ZNF148: variants seen among roughly 807,000 people sequenced by gnomAD.
The protein encoded by ZNF148 is Beta-Enolase Repressor Factor-1.
In ZNF148, 7 loss-of-function variants were observed where a neutral mutation model predicts 67.7. That is an observed-to-expected ratio of 0.10 (90% CI 0.06 to 0.19). ZNF148 has a LOEUF of 0.19. ZNF148 is among the 10% of genes least tolerant of loss of function. The probability of loss-of-function intolerance (pLI) is 1.00; values close to 1 mark genes in which losing one functional copy is unlikely to be tolerated. For missense variants in ZNF148, 583 were observed against 947.1 expected (o/e 0.62, Z 5.05); for synonymous variants, 333 against 330.7 (o/e 1.01, Z -0.08).
chr3:125,304,580 T>G (rs2107656133), intron 4 of ZNF148, among the ~76,000 whole-genome samples: 1 of 152,280 alleles, frequency 6.6e-6, no homozygotes, highest in Admixed American at 6.5e-5. Context: ...TATGCTGAGA[T>G]AACAAGCCAG....
At chr3:125,278,516 T>G (rs1045184247) in intron 6 of ZNF148, among the ~76,000 whole-genome samples, 4 of 152,154 alleles carry the variant, frequency 2.6e-5, no homozygotes, top group African/African-American at 9.6e-5. Flanking sequence ...TCCTTGCTAT[T>G]TATTCCAAAG....
chr3:125,244,504 T>C (rs989745190), intron 7 of ZNF148, among the ~76,000 whole-genome samples: 24 of 152,018 alleles, frequency 1.6e-4, no homozygotes, highest in African/African-American at 5.8e-4. Context: ...CTTTTTTGTT[T>C]TTTTTTTTCT....
rs544570226 is a variant in ZNF148, at chr3:125,323,789, T to C, written c.-152-345A>G. ...TCCTGGCTAACATGATGAAACCCCGTCTCTACTAAAAATACAAAAAATTAG... is the reference window on the plus strand; with the variant it reads ...TCCTGGCTAACATGATGAAACCCCGCCTCTACTAAAAATACAAAAAATTAG... On this transcript the variant is annotated intron_variant, in intron 2 of 8. Coordinates refer to ENST00000360647, the MANE Select transcript of ZNF148 (RefSeq NM_021964.3). Among the ~76,000 whole-genome samples, 41 of 151,776 alleles carry C rather than the reference T, an allele frequency of 2.7e-4. 1 individual carries two copies. The East Asian group carries it at 3.3e-3, about 12-fold the overall frequency.
intron 2 of ZNF148, among the ~76,000 whole-genome samples, chr3:125,326,229 T>C (rs888564871): frequency 2.0e-5 from 3 of 152,146 alleles, no homozygotes; most frequent in African/African-American, 7.2e-5. Context: ...GGCAAATATG[T>C]GGATTAATTC....
chr3:125,264,033 A>T (rs1054192577), intron 7 of ZNF148, among the ~76,000 whole-genome samples: 1 of 152,242 alleles, frequency 6.6e-6, no homozygotes, highest in Non-Finnish European at 1.5e-5. Context: ...GTTGGTGAAC[A>T]CATCCAAGTG....
Position 125,302,166 on chromosome 3 carries a change from CAGG to C in ZNF148, c.333+11139_333+11141del, listed in dbSNP as rs1939626951. On this transcript the variant is annotated intron_variant, in intron 4 of 8. Transcript: ENST00000360647. ...CCAAGGTGGGAGGATCGCTTGAGCCCAGGAGTTCAAGAGCAGTCTGGACAACAT... is the reference window on the plus strand; with the variant it reads ...CCAAGGTGGGAGGATCGCTTGAGCCCAGTTCAAGAGCAGTCTGGACAACAT... 2.0e-5 allele frequency among the ~76,000 whole-genome samples: 3 copies of C among 151,856 alleles called. No individual in the cohort carries two copies. The South Asian group carries it at 6.2e-4, about 32-fold the overall frequency.
chr3:125,261,794 G>A (rs1937351729), intron 7 of ZNF148, among the ~76,000 whole-genome samples: 1 of 146,638 alleles, frequency 6.8e-6, no homozygotes, highest in South Asian at 2.2e-4. Flanking sequence ...AGAGGGTGGG[G>A]CATTCAAAAT....
At chr3:125,363,673 T>TG (rs1942613751) in intron 1 of ZNF148, among the ~76,000 whole-genome samples, 1 of 152,092 alleles carries the variant, frequency 6.6e-6, no homozygotes, top group Non-Finnish European at 1.5e-5. Context: ...TTTTTTTTTT[T>TG]TGAGACAGGG....
Position 125,319,701 on chromosome 3 carries a change from C to T in ZNF148, c.-17+3608G>A, listed in dbSNP as rs536099475. The stretch of plus-strand genomic sequence containing the variant: ...GGGCACCTTTAAATATATTACCTTA[C>T]TTAATATTTACAATAACCCTCAAGA... On this transcript the variant is annotated intron_variant, in intron 3 of 8. Coordinates refer to ENST00000360647, the MANE Select transcript of ZNF148 (RefSeq NM_021964.3). 3.3e-5 allele frequency among the ~76,000 whole-genome samples: 5 copies of T among 152,310 alleles called. No homozygotes were observed. The East Asian group carries it at 7.7e-4, about 23-fold the overall frequency.
At chr3:125,359,716 C>A (rs961785043) in intron 1 of ZNF148, among the ~76,000 whole-genome samples, 2 of 152,222 alleles carry the variant, frequency 1.3e-5, no homozygotes, top group African/African-American at 4.8e-5. Flanking sequence ...TAAAAGCTGG[C>A]ATGACATACT....
chr3:125,326,755 C>T (rs1036083491), intron 2 of ZNF148, among the ~76,000 whole-genome samples: 1 of 143,676 alleles, frequency 7.0e-6, no homozygotes, highest in African/African-American at 2.6e-5. Context: ...TGTATATATA[C>T]ATATAAAGAT....
At chr3:125,326,337 T>C (rs1941016333) in intron 2 of ZNF148, among the ~76,000 whole-genome samples, 1 of 152,162 alleles carries the variant, frequency 6.6e-6, no homozygotes, top group African/African-American at 2.4e-5. Flanking sequence ...CTACTGGGTT[T>C]ATAATATATA....
At chr3:125,313,261 A>C in intron 4 of ZNF148, 47 bp downstream of exon 4, 1 of 1,510,098 alleles carries the variant, frequency 6.6e-7, no homozygotes, top group African/African-American at 1.4e-5. Context: ...ATTACGTAAC[A>C]AAAAATTATG....
chr3:125,313,268 T>C, intron 4 of ZNF148, 40 bp downstream of exon 4: 1 of 1,524,716 alleles, frequency 6.6e-7, no homozygotes, highest in Non-Finnish European at 8.9e-7. Flanking sequence ...AACAAAAAAT[T>C]ATGTTTCTAA....
At chr3:125,309,585 G>A (rs1306936829) in intron 4 of ZNF148, among the ~76,000 whole-genome samples, 1 of 143,902 alleles carries the variant, frequency 6.9e-6, no homozygotes, top group Non-Finnish European at 1.6e-5. Flanking sequence ...GAAAGGGGCT[G>A]AACTACAGTT....
At position 125,351,380 on chromosome 3, in the gene ZNF148, C is replaced by CAAAAAAAAAAAAAAAAAAAAAAAAA. The variant is rs1158167448; in HGVS notation, c.-233-20167_-233-20143dup. Among the ~76,000 whole-genome samples the CAAAAAAAAAAAAAAAAAAAAAAAAA allele has an allele frequency of 3.9e-5, 2 of 51,352 alleles. 1 individual carries two copies. The highest frequency in any genetic ancestry group is 6.6e-5 in the Non-Finnish European group (2 of 30,452). 33.7% of individuals were successfully genotyped at this position (51,352 alleles called of 152,430 possible). A position where few individuals can be genotyped will look rare whatever the true frequency, so the allele number is the denominator to read the frequency against. On this transcript the variant is annotated intron_variant, in intron 1 of 8. Transcript: ENST00000360647. ...GGCCACAGAGTGAGACCTTGTTTCT[C>CAAAAAAAAAAAAAAAAAAAAAAAAA]AAAAAAAAAAAAAAAAAAAAAAAAA...
intron 7 of ZNF148, among the ~76,000 whole-genome samples, chr3:125,255,374 G>A (rs1212625501): frequency 6.7e-6 from 1 of 149,482 alleles, no homozygotes; most frequent in Non-Finnish European, 1.5e-5. Context: ...AGCCTCCCAA[G>A]TAGCTAGGAT....
chr3:125,346,721 T>C (rs1010592022), intron 1 of ZNF148, among the ~76,000 whole-genome samples: 3 of 152,190 alleles, frequency 2.0e-5, no homozygotes, highest in African/African-American at 7.2e-5. Context: ...TTATCTCCCC[T>C]TCATCTTCTG....
In ZNF148 at chr3:125,233,119, A is replaced by G; in HGVS notation, c.1607T>C (p.Ile536Thr). Residue 536 changes from isoleucine to threonine, a missense_variant, in exon 9 of 9, where the codon ATT becomes ACT. Physicochemically the swap from Ile to Thr is moderately conservative, Grantham distance 89 (BLOSUM62 -1). Around this residue, in one of 5 missense-constraint regions of ZNF148, gnomAD observed 172 missense variants for 307.7 expected, o/e 0.56. Coordinates refer to ENST00000360647, the MANE Select transcript of ZNF148 (RefSeq NM_021964.3). This position sits in a 1 kb window ranked among gnomAD's most constrained non-coding sequence, Gnocchi z 5.1. Reference sequence around the variant, plus strand: ...CAGAGTCTGCAGTACCTCATCTGGAATAACATTTTTGTCATGATTACTCTT... The same window carrying G: ...CAGAGTCTGCAGTACCTCATCTGGAGTAACATTTTTGTCATGATTACTCTT... ...EIKSNHDKNV[I>T]PDEVLQTLLD... The G allele has an allele frequency of 6.2e-7, 1 of 1,613,814 alleles. No individual in the cohort carries two copies. Among genetic ancestry groups the G allele is most frequent in the Non-Finnish European group, 8.5e-7 (1 of 1,179,872 alleles).
Sources: allele counts gnomAD v4.1 joint callset (sites outside exome capture counted in the v4.1 genomes callset), GRCh38; gene constraint gnomAD v4.1.1; regional missense constraint gnomAD v4.1.1; non-coding constraint Gnocchi (gnomAD v3.1); transcripts MANE v1.5; gene names NCBI Gene and HGNC (gene_info 2026-07-23, HGNC 2026-07-21).